CSMD1: variants seen among roughly 807,000 people sequenced by gnomAD.
CSMD1 encodes the protein CUB and Sushi multiple domains 1.
CSMD1 carries 213 observed loss-of-function variants against 417.5 expected under a neutral mutation model. The observed-to-expected ratio is 0.51, with a 90% confidence interval of 0.46 to 0.57. The LOEUF (loss-of-function observed/expected upper bound fraction) is 0.57. CSMD1 is among the 20% of genes least tolerant of loss of function. CSMD1 has a pLI of 0.00. For synonymous variants in CSMD1, 2,862 were observed against 1,736.8 expected (o/e 1.65, Z -16.11); for missense variants, 6,923 against 4,529.7 (o/e 1.53, Z -15.17).
intron 7 of CSMD1, among the ~76,000 whole-genome samples, chr8:3,672,859 C>T (rs1174669248): frequency 6.6e-6 from 1 of 152,200 alleles, no homozygotes; most frequent in Non-Finnish European, 1.5e-5. Flanking sequence ...AGCTTCTACT[C>T]CTCCTTCAGG....
intron 6 of CSMD1, among the ~76,000 whole-genome samples, chr8:3,712,276 T>A (rs560931109): frequency 6.6e-6 from 1 of 152,236 alleles, no homozygotes; most frequent in African/African-American, 2.4e-5. Context: ...ACACGTTTTT[T>A]GGGTTCTCCT....
At chr8:4,224,017 G>A (rs1374721677) in intron 3 of CSMD1, among the ~76,000 whole-genome samples, 3 of 152,006 alleles carry the variant, frequency 2.0e-5, no homozygotes, top group East Asian at 1.9e-4. Context: ...CTCGTATCCC[G>A]GGTACGTTAT....
chr8:3,059,446 T>G (rs1464764875), intron 49 of CSMD1, among the ~76,000 whole-genome samples: 1 of 152,152 alleles, frequency 6.6e-6, no homozygotes, highest in African/African-American at 2.4e-5. Flanking sequence ...CGAGAAATGA[T>G]TGTCATGTGG....
chr8:4,046,385 A>G (rs748270843), intron 3 of CSMD1, among the ~76,000 whole-genome samples: 3 of 152,186 alleles, frequency 2.0e-5, no homozygotes, highest in Non-Finnish European at 2.9e-5. Context: ...TGGCATTAGT[A>G]TATTACAAAT....
intron 7 of CSMD1, among the ~76,000 whole-genome samples, chr8:3,629,096 G>A (rs888455913): frequency 3.9e-5 from 6 of 152,166 alleles, no homozygotes; most frequent in Non-Finnish European, 8.8e-5. Flanking sequence ...GTCGGGGGAA[G>A]AAGGGGTGTG....
intron 3 of CSMD1, among the ~76,000 whole-genome samples, chr8:4,033,299 G>A (rs11780297): frequency 0.13 from 19,288 of 151,846 alleles, 1,532 homozygotes; most frequent in South Asian, 0.26. Context: ...AAAATTAGCC[G>A]GGCGTGGTGG....
At chr8:3,822,905 G>A (rs1563115781) in intron 5 of CSMD1, among the ~76,000 whole-genome samples, 1 of 152,134 alleles carries the variant, frequency 6.6e-6, no homozygotes, top group African/African-American at 2.4e-5. Flanking sequence ...AACTCACTGT[G>A]CAGAGCTAAG....
At chr8:3,114,908 AC>A in intron 42 of CSMD1, among the ~76,000 whole-genome samples, 1 of 152,286 alleles carries the variant, frequency 6.6e-6, no homozygotes, top group African/African-American at 2.4e-5. Flanking sequence ...CATACCTATC[AC>A]AACATATTAT....
intron 12 of CSMD1, among the ~76,000 whole-genome samples, chr8:3,430,079 G>A (rs1041943390): frequency 1.4e-4 from 21 of 152,034 alleles, no homozygotes; most frequent in African/African-American, 5.1e-4. Flanking sequence ...ATACACACAT[G>A]CATATATACA....
intron 5 of CSMD1, among the ~76,000 whole-genome samples, chr8:3,801,735 C>T (rs989758443): frequency 6.6e-6 from 1 of 152,162 alleles, no homozygotes; most frequent in Admixed American, 6.6e-5. Context: ...CATTCACCAA[C>T]TGATGACTCT....
At position 4,927,222 on chromosome 8, in the gene CSMD1, AT is replaced by A. The variant is rs536475573; in HGVS notation, c.85+67109del. Among the ~76,000 whole-genome samples, 1,222 of 150,492 alleles carry A rather than the reference AT, an allele frequency of 8.1e-3. 12 individuals are homozygous for A. The highest frequency in any genetic ancestry group is 0.028 in the African/African-American group (1,140 of 41,028). Reference sequence around the variant, plus strand: ...CCCACGTTCAAGTGCTTTTTGGCTAATTTTTTTTTATTTTTAGTAGAGACAG... The same window carrying A: ...CCCACGTTCAAGTGCTTTTTGGCTAATTTTTTTTATTTTTAGTAGAGACAG... On this transcript the variant is annotated intron_variant, in intron 1 of 69. Coordinates refer to ENST00000635120, the MANE Select transcript of CSMD1 (RefSeq NM_033225.6).
intron 41 of CSMD1, among the ~76,000 whole-genome samples, chr8:3,137,773 A>G (rs1818192867): frequency 6.6e-6 from 1 of 152,224 alleles, no homozygotes; most frequent in Non-Finnish European, 1.5e-5. Flanking sequence ...TGGAAACACA[A>G]CCATGTGTTG....
chr8:3,181,908 C>A (rs1821353668), intron 36 of CSMD1, among the ~76,000 whole-genome samples: 1 of 152,188 alleles, frequency 6.6e-6, no homozygotes, highest in South Asian at 2.1e-4. Context: ...AATCGTTCAT[C>A]ACTCAGAAGT....
At chr8:3,383,211 G>T (rs977660733) in intron 18 of CSMD1, among the ~76,000 whole-genome samples, 9 of 152,198 alleles carry the variant, frequency 5.9e-5, no homozygotes, top group Non-Finnish European at 1.2e-4. Flanking sequence ...TGCTTTCATA[G>T]ATGTTCATAT....
chr8:4,776,878 T>C (rs7011207), intron 1 of CSMD1, among the ~76,000 whole-genome samples: 50,452 of 152,116 alleles, frequency 0.33, 9,193 homozygotes, highest in Admixed American at 0.48. Flanking sequence ...TTTCTGCTTA[T>C]CTTCATCTTT....
chr8:4,313,481 C>T (rs1043623937), intron 3 of CSMD1, among the ~76,000 whole-genome samples: 16 of 143,520 alleles, frequency 1.1e-4, no homozygotes, highest in African/African-American at 3.9e-4. Flanking sequence ...ACCCGAAGAG[C>T]TCCCAAAGGT....
chr8:4,019,327 C>T (rs1218752521), intron 4 of CSMD1, among the ~76,000 whole-genome samples: 1 of 152,178 alleles, frequency 6.6e-6, no homozygotes, highest in Non-Finnish European at 1.5e-5. Flanking sequence ...GTGTCTCTCT[C>T]TTGCTTATCT....
intron 18 of CSMD1, among the ~76,000 whole-genome samples, chr8:3,381,094 G>A (rs1810600302): frequency 6.6e-6 from 1 of 152,044 alleles, no homozygotes; most frequent in Non-Finnish European, 1.5e-5. Flanking sequence ...TTCATTACCA[G>A]ATCAAGAGCA....
At chr8:4,542,539 A>T (rs1278790333) in intron 2 of CSMD1, among the ~76,000 whole-genome samples, 1 of 152,250 alleles carries the variant, frequency 6.6e-6, no homozygotes, top group Non-Finnish European at 1.5e-5. Context: ...GTTGCAAATT[A>T]GAAGATAAAA....
Sources: gnomAD v4.1 joint callset for allele counts (sites outside exome capture counted in the v4.1 genomes callset) on GRCh38, gnomAD v4.1.1 for gene constraint, MANE v1.5 for transcripts, NCBI Gene and HGNC (gene_info 2026-07-23, HGNC 2026-07-21) for gene names.